Variants in IGF1R observed in about 807,000 individuals in gnomAD.
The protein encoded by IGF1R is insulin like growth factor 1 receptor.
In IGF1R, 44 loss-of-function variants were observed where a neutral mutation model predicts 144.6. The observed-to-expected ratio is 0.30, with a 90% CI of 0.24 to 0.39. IGF1R has a LOEUF of 0.39. IGF1R is among the 10% of genes least tolerant of loss of function. IGF1R has a pLI of 1.00. For synonymous variants in IGF1R, 795 were observed against 722.8 expected, an observed-to-expected ratio of 1.10 and a Z score of -1.60; for missense variants, 1,355 against 1,833.7, an observed-to-expected ratio of 0.74 and a Z score of 4.77.
At chr15:98,759,845 G>A (rs1255643894) in intron 2 of IGF1R, among the ~76,000 whole-genome samples, 3 of 152,186 alleles carry the variant, frequency 2.0e-5, no homozygotes, top group African/African-American at 4.8e-5. Context: ...CAGCCACAAT[G>A]TGTCTTGCAG....
At chr15:98,760,389 A>T (rs1182899255) in intron 2 of IGF1R, among the ~76,000 whole-genome samples, 2 of 152,182 alleles carry the variant, frequency 1.3e-5, no homozygotes, top group East Asian at 3.8e-4. Context: ...TAAATAAAGT[A>T]ATTACTATAG....
At chr15:98,686,798 A>G (rs1944688873) in intron 1 of IGF1R, among the ~76,000 whole-genome samples, 1 of 152,054 alleles carries the variant, frequency 6.6e-6, no homozygotes, top group Admixed American at 6.6e-5. Flanking sequence ...CGCTTCCTCA[A>G]TAGATGGGAC....
At chr15:98,684,809 A>T (rs2053283664) in intron 1 of IGF1R, among the ~76,000 whole-genome samples, 1 of 151,446 alleles carries the variant, frequency 6.6e-6, no homozygotes, top group South Asian at 2.1e-4. Flanking sequence ...GCTAATATTT[A>T]GTGAGTGTGA....
chr15:98,703,741 G>A (rs76295786), intron 1 of IGF1R, among the ~76,000 whole-genome samples: 7,450 of 152,308 alleles, frequency 0.049, 263 homozygotes, highest in Middle Eastern at 0.12. Context: ...GGGCCAGATG[G>A]CAAAGTGAAG....
chr15:98,761,626 A>G (rs1190623025), intron 2 of IGF1R, among the ~76,000 whole-genome samples: 1 of 152,232 alleles, frequency 6.6e-6, no homozygotes, highest in Non-Finnish European at 1.5e-5. Context: ...CTTTGCAGGA[A>G]CTTGCCCCTT....
intron 2 of IGF1R, among the ~76,000 whole-genome samples, chr15:98,738,526 A>T (rs905004179): frequency 6.6e-6 from 1 of 152,056 alleles, no homozygotes; most frequent in Non-Finnish European, 1.5e-5. Flanking sequence ...ACAGAGTGAG[A>T]CTCTGCCCCA....
At chr15:98,850,658 A>G (rs1322724338) in intron 2 of IGF1R, among the ~76,000 whole-genome samples, 1 of 152,234 alleles carries the variant, frequency 6.6e-6, no homozygotes, top group East Asian at 1.9e-4. Context: ...TCAGAAAAGC[A>G]TAACTGGCAG....
At chr15:98,744,803 A>G (rs576182800) in intron 2 of IGF1R, among the ~76,000 whole-genome samples, 2 of 151,388 alleles carry the variant, frequency 1.3e-5, no homozygotes, top group African/African-American at 4.8e-5. Flanking sequence ...AACTTTGTAT[A>G]TGCTTTCCTT....
intron 2 of IGF1R, among the ~76,000 whole-genome samples, chr15:98,827,145 C>T (rs1396514225): frequency 3.3e-5 from 5 of 152,128 alleles, no homozygotes; most frequent in East Asian, 3.8e-4. Flanking sequence ...CCCCCAACTC[C>T]GAATCAGAGA....
At chr15:98,878,273 CA>C (rs2013163969) in intron 2 of IGF1R, among the ~76,000 whole-genome samples, 2 of 152,318 alleles carry the variant, frequency 1.3e-5, no homozygotes, top group East Asian at 3.9e-4. Flanking sequence ...GTTAGGAAAT[CA>C]GCAACATTTA....
intron 2 of IGF1R, among the ~76,000 whole-genome samples, chr15:98,753,145 G>C (rs764496217): frequency 1.3e-5 from 2 of 151,744 alleles, no homozygotes; most frequent in Non-Finnish European, 2.9e-5. Flanking sequence ...TGTTAGCCAG[G>C]ATGGTCTTGA....
intron 2 of IGF1R, among the ~76,000 whole-genome samples, chr15:98,862,926 A>G (rs1484688074): frequency 6.6e-6 from 1 of 152,238 alleles, no homozygotes; most frequent in Admixed American, 6.5e-5. Flanking sequence ...TAATACGGTT[A>G]TCAAAACAGT....
chr15:98,676,916 A>AT (rs896197408), intron 1 of IGF1R, among the ~76,000 whole-genome samples: 1 of 151,634 alleles, frequency 6.6e-6, no homozygotes, highest in Admixed American at 6.6e-5. Flanking sequence ...ATATTTTTAA[A>AT]TTTTTTTTCA....
At chr15:98,780,563 AAAAAAAAAAAAAGAGAG>A (rs1045769416) in intron 2 of IGF1R, among the ~76,000 whole-genome samples, 7 of 32,126 alleles carry the variant, frequency 2.2e-4, no homozygotes, top group Middle Eastern at 0.036. Context: ...AAAAAAAAAA[AAAAAAAAAAAAAGAGAG>A]AGAGAGTAAA....
intron 2 of IGF1R, among the ~76,000 whole-genome samples, chr15:98,837,036 T>A (rs114838354): frequency 6.6e-5 from 10 of 152,214 alleles, no homozygotes; most frequent in African/African-American, 2.4e-4. Context: ...GTTACTGATA[T>A]CTTAGGGCTG....
rs373732310 is a variant in IGF1R, at chr15:98,948,654, G to A, written c.3668G>A (p.Arg1223His). 1.4e-5 allele frequency: 22 copies of A among 1,614,014 alleles called. No individual in the cohort carries two copies. Among genetic ancestry groups the A allele is most frequent in the African/African-American group, 9.3e-5 (7 of 74,914 alleles). The change falls in exon 20 of 21, where the codon CGC (arginine) becomes CAC (histidine). Residue 1223 changes from arginine to histidine, a missense_variant. By Grantham distance (29) the Arg-to-His change is conservative. Around this residue, in one of 7 missense-constraint regions of IGF1R, gnomAD observed 77 missense variants for 163.2 expected, o/e 0.47. Coordinates refer to ENST00000650285, the MANE Select transcript of IGF1R (RefSeq NM_000875.5). ...GGCTTGTCCAACGAGCAAGTCCTTC[G>A]CTTCGTCATGGAGGGCGGCCTTCTG... ...YQGLSNEQVL[R>H]FVMEGGLLDK...
intron 2 of IGF1R, among the ~76,000 whole-genome samples, chr15:98,877,506 TTTTTTTTC>T (rs1313653234): frequency 6.9e-6 from 1 of 144,664 alleles, no homozygotes; most frequent in Non-Finnish European, 1.5e-5. Flanking sequence ...TTTTTTTTTT[TTTTTTTTC>T]CCCAAAAAAT....
chr15:98,737,007 T>A (rs1285180636), intron 2 of IGF1R, among the ~76,000 whole-genome samples: 3 of 152,136 alleles, frequency 2.0e-5, no homozygotes, highest in Non-Finnish European at 4.4e-5. Flanking sequence ...CCAAGACTCG[T>A]AGAACTAAGA....
At chr15:98,732,693 C>T (rs1052080445) in intron 2 of IGF1R, among the ~76,000 whole-genome samples, 2 of 152,178 alleles carry the variant, frequency 1.3e-5, no homozygotes, top group Admixed American at 1.3e-4. Context: ...AGATGACCAC[C>T]CTTGCCATTA....
Sources: gnomAD v4.1 joint callset for allele counts (sites outside exome capture counted in the v4.1 genomes callset) on GRCh38, gnomAD v4.1.1 for gene constraint, gnomAD v4.1.1 regional missense constraint, MANE v1.5 for transcripts, NCBI Gene and HGNC (gene_info 2026-07-23, HGNC 2026-07-21) for gene names.